Variants in TPD52L1 observed in about 807,000 individuals in gnomAD.
TPD52L1 encodes tumor protein D53.
TPD52L1 carries 18 observed loss-of-function variants against 28.7 expected under a neutral mutation model. That is an observed-to-expected ratio of 0.63 (90% CI 0.43 to 0.93). The LOEUF (loss-of-function observed/expected upper bound fraction) is 0.93, where lower values mean the gene tolerates loss of function less well. Among genes scored for constraint, TPD52L1 ranks in the 40% least tolerant of loss-of-function variants. The pLI is 0.00. For missense variants in TPD52L1, 203 were observed against 254.8 expected, an observed-to-expected ratio of 0.80 and a Z score of 1.39; for synonymous variants, 75 against 88.8, an observed-to-expected ratio of 0.84 and a Z score of 0.88.
chr6:125,235,193 C>T (rs1037606302), intron 3 of TPD52L1, among the ~76,000 whole-genome samples: 7 of 151,658 alleles, frequency 4.6e-5, no homozygotes, highest in Non-Finnish European at 1.0e-4. Flanking sequence ...AGGCTCCTAG[C>T]TTCTGGATGG....
chr6:125,155,972 G>C (rs1790091116), intron 1 of TPD52L1, among the ~76,000 whole-genome samples: 1 of 152,140 alleles, frequency 6.6e-6, no homozygotes, highest in Non-Finnish European at 1.5e-5. Context: ...GTAAAAAGTA[G>C]CAAAGTGGAT....
intron 3 of TPD52L1, among the ~76,000 whole-genome samples, chr6:125,237,920 A>G (rs1796369130): frequency 6.6e-6 from 1 of 152,146 alleles, no homozygotes; most frequent in African/African-American, 2.4e-5. Context: ...TCAGCCTCCC[A>G]AAGTGCTGAG....
rs141961050 is a variant in TPD52L1 at position 125,263,250 on chromosome 6, T to C, written c.*288T>C. On this transcript the variant is annotated 3_prime_UTR_variant, in exon 7 of 7. Coordinates refer to ENST00000534000, the MANE Select transcript of TPD52L1 (RefSeq NM_003287.4). The stretch of plus-strand genomic sequence containing the variant: ...TAATTCCTGTCTGTGTAATTCGATG[T>C]ATATTTTTCCAAACATGTAGCTATT... The C allele has an allele frequency of 2.3e-5, 8 of 354,506 alleles. No homozygotes were observed. Among genetic ancestry groups the C allele is most frequent in the Middle Eastern group, 8.0e-4 (1 of 1,254 alleles). 22.0% of individuals were successfully genotyped at this position (354,506 alleles called of 1,614,324 possible). A position where few individuals can be genotyped will look rare whatever the true frequency, so the allele number is the denominator to read the frequency against.
At chr6:125,223,708 C>CAA (rs11294390) in intron 2 of TPD52L1, among the ~76,000 whole-genome samples, 5,714 of 69,652 alleles carry the variant, frequency 0.082, 666 homozygotes, top group African/African-American at 0.22. Flanking sequence ...GATTCCATCT[C>CAA]AAAAAAAAAA....
Position 125,229,166 on chromosome 6 carries a change from A to G in TPD52L1, c.184A>G (p.Arg62Gly). The G allele has an allele frequency of 1.2e-6, 2 of 1,613,582 alleles. No individual in the cohort carries two copies. Among genetic ancestry groups the G allele is most frequent in the Non-Finnish European group, 1.7e-6 (2 of 1,179,778 alleles). ...TLRQVLSAKERHLVEIKQKLG... is the reference protein window; with the variant it reads ...TLRQVLSAKEGHLVEIKQKLG... ...ACGACAAGTTTTGTCAGCGAAAGAAAGGCATCTAGTTGAGATAAAACAAAA... is the reference window on the plus strand; with the variant it reads ...ACGACAAGTTTTGTCAGCGAAAGAAGGGCATCTAGTTGAGATAAAACAAAA... Residue 62 changes from arginine to glycine, a missense_variant, in exon 3 of 7, where the codon AGG (arginine) becomes GGG (glycine). Transcript: ENST00000534000.
At chr6:125,218,605 G>T (rs548315654) in intron 1 of TPD52L1, among the ~76,000 whole-genome samples, 1 of 151,960 alleles carries the variant, frequency 6.6e-6, no homozygotes. Flanking sequence ...AATCTTGTTC[G>T]TCCGTTTTTC....
chr6:125,249,185 TG>T (rs1797102932), intron 4 of TPD52L1, among the ~76,000 whole-genome samples: 3 of 151,512 alleles, frequency 2.0e-5, no homozygotes, highest in Middle Eastern at 3.5e-3. Context: ...TCTTAGTTTT[TG>T]CTTATTTAAA....
chr6:125,177,668 T>A (rs1387375411), intron 1 of TPD52L1, among the ~76,000 whole-genome samples: 1 of 152,224 alleles, frequency 6.6e-6, no homozygotes, highest in Non-Finnish European at 1.5e-5. Context: ...AGAGACTGTT[T>A]AGAGGCTTAT....
At chr6:125,251,393 A>T (rs1797257211) in intron 4 of TPD52L1, among the ~76,000 whole-genome samples, 1 of 152,188 alleles carries the variant, frequency 6.6e-6, no homozygotes, top group African/African-American at 2.4e-5. Context: ...GTTTTTCTTT[A>T]AAATAACTCC....
chr6:125,260,846 G>A (rs1797874684), intron 6 of TPD52L1, among the ~76,000 whole-genome samples: 1 of 147,516 alleles, frequency 6.8e-6, no homozygotes. Context: ...GGAAGAGAAA[G>A]AAAGTGAGAG....
chr6:125,203,595 G>A, intron 1 of TPD52L1: 4 of 984,756 alleles, frequency 4.1e-6, no homozygotes, highest in Non-Finnish European at 4.8e-6. Flanking sequence ...TTGTCTGCAT[G>A]GTTTTGAGTT....
At chr6:125,256,640 T>C (rs1367411360) in intron 5 of TPD52L1, among the ~76,000 whole-genome samples, 1 of 152,232 alleles carries the variant, frequency 6.6e-6, no homozygotes, top group Non-Finnish European at 1.5e-5. Flanking sequence ...CTGAAATAAA[T>C]AACTTTAAAA....
intron 1 of TPD52L1, among the ~76,000 whole-genome samples, chr6:125,213,374 G>A (rs1455314072): frequency 6.6e-6 from 1 of 152,040 alleles, no homozygotes; most frequent in African/African-American, 2.4e-5. Flanking sequence ...CTTGTGTTCT[G>A]CTTGTATGGC....
At chr6:125,258,822 A>C (rs938963816) in intron 6 of TPD52L1, among the ~76,000 whole-genome samples, 25 of 151,968 alleles carry the variant, frequency 1.6e-4, no homozygotes, top group African/African-American at 6.0e-4. Flanking sequence ...CCTGAAAGTG[A>C]TTCTATGCTT....
chr6:125,200,658 A>G (rs556217691), intron 1 of TPD52L1, among the ~76,000 whole-genome samples: 1 of 152,316 alleles, frequency 6.6e-6, no homozygotes, highest in South Asian at 2.1e-4. Flanking sequence ...ATGGATGTTC[A>G]TGTTCACATA....
At chr6:125,185,971 G>C (rs965764959) in intron 1 of TPD52L1, among the ~76,000 whole-genome samples, 1 of 145,420 alleles carries the variant, frequency 6.9e-6, no homozygotes, top group Admixed American at 7.3e-5. Flanking sequence ...TCGGCTCACT[G>C]CAACCTCTGC....
intron 1 of TPD52L1, among the ~76,000 whole-genome samples, chr6:125,190,676 G>A (rs1398144531): frequency 6.6e-6 from 1 of 152,158 alleles, no homozygotes; most frequent in African/African-American, 2.4e-5. Context: ...TGAGGGTGAT[G>A]GAAGACAGTG....
chr6:125,219,159 A>G (rs2114958442), intron 1 of TPD52L1, among the ~76,000 whole-genome samples: 1 of 152,314 alleles, frequency 6.6e-6, no homozygotes, highest in South Asian at 2.1e-4. Context: ...GAATCATGTC[A>G]TAGATGAAGT....
chr6:125,208,928 G>A (rs2114924553), intron 1 of TPD52L1: 1 of 985,392 alleles, frequency 1.0e-6, no homozygotes, highest in Admixed American at 6.1e-5. Context: ...CAGGCCCAAG[G>A]TGTAGCTCAA....
Sources: gnomAD v4.1 joint callset for allele counts (sites outside exome capture counted in the v4.1 genomes callset) on GRCh38, gnomAD v4.1.1 for gene constraint, MANE v1.5 for transcripts, NCBI Gene and HGNC (gene_info 2026-07-23, HGNC 2026-07-21) for gene names.